UGGT2: variants seen among roughly 807,000 people sequenced by gnomAD.
The protein encoded by UGGT2 is UDP-glucose glycoprotein glucosyltransferase 2.
A neutral mutation model predicts 192.1 loss-of-function variants in UGGT2; 180 were observed. The ratio of observed to expected loss-of-function variants is 0.94; its 90% CI spans 0.83 to 1.06. UGGT2 has a LOEUF of 1.06. UGGT2 is among the 50% of genes least tolerant of loss of function. The probability of loss-of-function intolerance (pLI) is 0.00; values close to 1 mark genes in which losing one functional copy is unlikely to be tolerated. For missense variants in UGGT2, 1,849 were observed against 1,795.7 expected, an observed-to-expected ratio of 1.03 and a Z score of -0.54; for synonymous variants, 580 against 591.0, an observed-to-expected ratio of 0.98 and a Z score of 0.27.
At chr13:95,867,043 A>G (rs1026275853) in intron 30 of UGGT2, among the ~76,000 whole-genome samples, 12 of 152,072 alleles carry the variant, frequency 7.9e-5, no homozygotes, top group Non-Finnish European at 1.2e-4. Context: ...TTTTCAGTGC[A>G]TGTTCTTGAT....
At chr13:95,980,515 G>A (rs553565845) in intron 10 of UGGT2, among the ~76,000 whole-genome samples, 2 of 152,260 alleles carry the variant, frequency 1.3e-5, no homozygotes, top group East Asian at 3.9e-4. Context: ...CACTGTTCAG[G>A]TGATGGGTGC....
intron 20 of UGGT2, among the ~76,000 whole-genome samples, chr13:95,912,448 CAAAG>C (rs1170697496): frequency 2.1e-4 from 27 of 131,614 alleles, no homozygotes; most frequent in African/African-American, 7.9e-4. Flanking sequence ...CATTAACAGA[CAAAG>C]AGAGAGCCAA....
chr13:95,843,493 T>C lies in UGGT2; in HGVS notation c.4285-6291A>G, dbSNP rs185865909. Reference sequence around the variant, plus strand: ...AAGTTTTGGGAGCTCTTTGTATATTTATCAATTTTTTCTTTTATGAATCAT... The same window carrying C: ...AAGTTTTGGGAGCTCTTTGTATATTCATCAATTTTTTCTTTTATGAATCAT... On this transcript the variant is annotated intron_variant, in intron 36 of 38. Coordinates refer to ENST00000376747, the MANE Select transcript of UGGT2 (RefSeq NM_020121.4). 1.0e-3 allele frequency among the ~76,000 whole-genome samples: 156 copies of C among 152,286 alleles called. 2 individuals are homozygous for C. The highest frequency in any genetic ancestry group is 3.7e-3 in the African/African-American group (152 of 41,562).
chr13:95,840,112 T>C (rs1887706897), intron 36 of UGGT2, among the ~76,000 whole-genome samples: 1 of 152,054 alleles, frequency 6.6e-6, no homozygotes, highest in South Asian at 2.1e-4. Context: ...ACCTAGGCAA[T>C]ACCATTCAGG....
chr13:96,007,649 C>G (rs956249671), intron 5 of UGGT2, among the ~76,000 whole-genome samples: 3 of 151,966 alleles, frequency 2.0e-5, no homozygotes, highest in Non-Finnish European at 4.4e-5. Context: ...TATTTATATA[C>G]ACAAATAGCA....
At chr13:95,857,032 T>C (rs1160997049) in intron 33 of UGGT2, among the ~76,000 whole-genome samples, 1 of 152,072 alleles carries the variant, frequency 6.6e-6, no homozygotes, top group Non-Finnish European at 1.5e-5. Context: ...GATGAATTAA[T>C]AAATATAGAA....
chr13:95,871,751 T>C (rs1891240939), intron 29 of UGGT2, among the ~76,000 whole-genome samples: 1 of 152,184 alleles, frequency 6.6e-6, no homozygotes, highest in African/African-American at 2.4e-5. Context: ...TACCACTGGG[T>C]AGTCATGTGT....
chr13:95,927,131 A>C lies in UGGT2; in HGVS notation c.2102-5T>G, dbSNP rs1340688062. The C allele has an allele frequency of 1.2e-6, 2 of 1,607,534 alleles. No individual in the cohort carries two copies. Among genetic ancestry groups the C allele is most frequent in the Admixed American group, 3.4e-5 (2 of 57,998 alleles). ...AATCTTCAACATCAGCAGTTACTGA[A>C]AAATTTCAAATTAAACGTTAAATAT... On this transcript the variant is annotated splice_polypyrimidine_tract_variant and splice_region_variant and intron_variant, in intron 18 of 38. Coordinates refer to ENST00000376747, the MANE Select transcript of UGGT2 (RefSeq NM_020121.4).
At chr13:95,931,034 T>G (rs2049243163) in intron 17 of UGGT2, among the ~76,000 whole-genome samples, 1 of 152,200 alleles carries the variant, frequency 6.6e-6, no homozygotes, top group African/African-American at 2.4e-5. Flanking sequence ...CCTGCTTTTA[T>G]TCCCTTATCT....
At chr13:95,870,561 C>T (rs1176515260) in intron 29 of UGGT2, among the ~76,000 whole-genome samples, 1 of 152,162 alleles carries the variant, frequency 6.6e-6, no homozygotes, top group African/African-American at 2.4e-5. Context: ...AGCTTTCTCT[C>T]ACTTCTGATG....
chr13:95,931,216 T>C (rs958632814), intron 17 of UGGT2, among the ~76,000 whole-genome samples: 25 of 152,112 alleles, frequency 1.6e-4, no homozygotes, highest in African/African-American at 5.1e-4. Context: ...ACAGCACTGA[T>C]TGGTGCATTT....
chr13:95,986,688 T>C (rs533565761), intron 8 of UGGT2, among the ~76,000 whole-genome samples: 1 of 152,084 alleles, frequency 6.6e-6, no homozygotes, highest in African/African-American at 2.4e-5. Flanking sequence ...TCGAGAGAGA[T>C]ATATGAAAAG....
Position 95,858,002 on chromosome 13 carries a change from T to TG in UGGT2, c.3825+1588_3825+1589insC, listed in dbSNP as rs1412583099. On this transcript the variant is annotated intron_variant, in intron 33 of 38. Transcript: ENST00000376747. Reference sequence around the variant, plus strand: ...TATATTTATAGGTTCTTTTTCTGTTTTTTTTTTTTTTTCCTACTGTCAAAT... The same window carrying TG: ...TATATTTATAGGTTCTTTTTCTGTTTGTTTTTTTTTTTTCCTACTGTCAAAT... Among the ~76,000 whole-genome samples the TG allele has an allele frequency of 4.0e-5, 6 of 150,458 alleles. No individual in the cohort carries two copies. In the East Asian group the frequency reaches 1.2e-3, roughly 30 times the overall value.
intron 22 of UGGT2, among the ~76,000 whole-genome samples, chr13:95,896,958 C>T (rs983908465): frequency 2.0e-5 from 3 of 152,088 alleles, no homozygotes; most frequent in East Asian, 3.9e-4. Context: ...TTTTCATCCA[C>T]ATACTGAGCT....
At chr13:95,840,948 G>C (rs1887794823) in intron 36 of UGGT2, among the ~76,000 whole-genome samples, 2 of 152,102 alleles carry the variant, frequency 1.3e-5, no homozygotes, top group African/African-American at 4.8e-5. Context: ...ATTAACACAG[G>C]TACAGAAAAC....
intron 20 of UGGT2, among the ~76,000 whole-genome samples, chr13:95,903,832 T>A: frequency 6.6e-6 from 1 of 152,204 alleles, no homozygotes; most frequent in South Asian, 2.1e-4. Flanking sequence ...TAGCAACAGA[T>A]AACAAACAGT....
At chr13:95,924,676 T>C (rs909827143) in intron 20 of UGGT2, among the ~76,000 whole-genome samples, 3 of 152,014 alleles carry the variant, frequency 2.0e-5, no homozygotes, top group African/African-American at 4.8e-5. Flanking sequence ...ATAAATGACA[T>C]TGTGGCTCAG....
At chr13:95,976,173 A>T (rs2050931998) in intron 10 of UGGT2, among the ~76,000 whole-genome samples, 1 of 152,178 alleles carries the variant, frequency 6.6e-6, no homozygotes, top group Non-Finnish European at 1.5e-5. Context: ...CATATGAGTA[A>T]TAACTTGTAG....
chr13:95,885,742 C>T (rs2047627379), intron 26 of UGGT2, among the ~76,000 whole-genome samples: 1 of 152,080 alleles, frequency 6.6e-6, no homozygotes, highest in South Asian at 2.1e-4. Context: ...ATGTTCAAAA[C>T]AAATTCTTGC....
Sources: allele counts gnomAD v4.1 joint callset (sites outside exome capture counted in the v4.1 genomes callset), GRCh38; gene constraint gnomAD v4.1.1; transcripts MANE v1.5; gene names NCBI Gene and HGNC (gene_info 2026-07-23, HGNC 2026-07-21).